Variants in PIK3C2G observed in about 807,000 individuals in gnomAD.
PIK3C2G encodes the protein phosphatidylinositol 3-kinase C2 domain-containing subunit gamma.
Under a neutral mutation model 181.1 loss-of-function variants are expected in PIK3C2G, and 168 were observed. The observed-to-expected ratio is 0.93, with a 90% CI of 0.82 to 1.05. PIK3C2G has a LOEUF of 1.05. PIK3C2G is among the 50% of genes least tolerant of loss of function. The pLI is 0.00. For synonymous variants in PIK3C2G, 573 were observed against 592.2 expected (o/e 0.97, Z 0.47); for missense variants, 1,869 against 1,732.8 (o/e 1.08, Z -1.40).
At chr12:18,282,895 A>G (rs954763171) in intron 2 of PIK3C2G, 136 bp downstream of exon 2, 3 of 570,636 alleles carry the variant, frequency 5.3e-6, no homozygotes, top group Non-Finnish European at 8.7e-6. Context: ...AAAAATTTTC[A>G]CAAATGATGT....
intron 18 of PIK3C2G, among the ~76,000 whole-genome samples, chr12:18,441,352 G>T (rs1192953599): frequency 6.6e-6 from 1 of 152,194 alleles, no homozygotes; most frequent in Non-Finnish European, 1.5e-5. Flanking sequence ...AGAGAGAAAT[G>T]TGGTAATGGT....
chr12:18,488,340 C>T, intron 18 of PIK3C2G, 109 bp from the exon 19 acceptor site: 2 of 609,132 alleles, frequency 3.3e-6, no homozygotes, highest in Non-Finnish European at 5.0e-6. Flanking sequence ...TTAAACTGCC[C>T]AAAGCCACCA....
At chr12:18,470,316 G>A (rs1938337553) in intron 18 of PIK3C2G, among the ~76,000 whole-genome samples, 1 of 152,046 alleles carries the variant, frequency 6.6e-6, no homozygotes, top group Non-Finnish European at 1.5e-5. Flanking sequence ...TTCAAGCCAG[G>A]ATACCAGTTC....
At chr12:18,550,869 T>C (rs1944693163) in intron 26 of PIK3C2G, among the ~76,000 whole-genome samples, 1 of 152,006 alleles carries the variant, frequency 6.6e-6, no homozygotes. Context: ...CTAACTACAA[T>C]ATTAGCACTA....
At chr12:18,480,741 T>A (rs1259086153) in intron 18 of PIK3C2G, among the ~76,000 whole-genome samples, 1 of 152,086 alleles carries the variant, frequency 6.6e-6, no homozygotes, top group Admixed American at 6.6e-5. Context: ...AATTCACCCC[T>A]GAATTTGCGT....
At chr12:18,626,996 T>C (rs891603295) in intron 31 of PIK3C2G, among the ~76,000 whole-genome samples, 2 of 152,024 alleles carry the variant, frequency 1.3e-5, no homozygotes, top group Non-Finnish European at 2.9e-5. Flanking sequence ...TCTCTGTATT[T>C]AATTCCTTTT....
At chr12:18,307,076 G>T (rs951420599) in intron 5 of PIK3C2G, among the ~76,000 whole-genome samples, 1 of 148,478 alleles carries the variant, frequency 6.7e-6, no homozygotes, top group Non-Finnish European at 1.5e-5. Flanking sequence ...TGTTATCTAG[G>T]ATGCTTACTT....
chr12:18,388,609 A>T (rs774827062), intron 14 of PIK3C2G, among the ~76,000 whole-genome samples: 3 of 152,300 alleles, frequency 2.0e-5, no homozygotes, highest in Middle Eastern at 3.4e-3. Context: ...CGCACAGTCC[A>T]AGTGGAAGTT....
At chr12:18,566,105 A>G (rs1411422649) in intron 28 of PIK3C2G, among the ~76,000 whole-genome samples, 1 of 152,246 alleles carries the variant, frequency 6.6e-6, no homozygotes, top group Non-Finnish European at 1.5e-5. Flanking sequence ...AAAATATACA[A>G]GCATAGAGTT....
chr12:18,627,025 T>C (rs1488934685), intron 31 of PIK3C2G, among the ~76,000 whole-genome samples: 1 of 151,972 alleles, frequency 6.6e-6, no homozygotes, highest in Non-Finnish European at 1.5e-5. Context: ...CTTGGGTCTC[T>C]TGATGGTGTA....
the PIK3C2G span, chr12:18,693,893 A>G: frequency 1.3e-6 from 2 of 1,531,326 alleles, no homozygotes; most frequent in Admixed American, 1.7e-5. Flanking sequence ...AAGCAGGATG[A>G]CGCTGGCTGA....
At chr12:18,419,117 T>A (rs751558871) in intron 16 of PIK3C2G, among the ~76,000 whole-genome samples, 2 of 152,172 alleles carry the variant, frequency 1.3e-5, no homozygotes, top group Non-Finnish European at 2.9e-5. Flanking sequence ...TGCCTACAAA[T>A]CTGAAGGCAT....
At chr12:18,513,662 C>T (rs1942352044) in intron 24 of PIK3C2G, among the ~76,000 whole-genome samples, 1 of 151,508 alleles carries the variant, frequency 6.6e-6, no homozygotes, top group African/African-American at 2.4e-5. Context: ...ACTTTTGATT[C>T]GTTTATTTGA....
chr12:18,353,045 G>A (rs1456547585), intron 11 of PIK3C2G, among the ~76,000 whole-genome samples: 3 of 152,280 alleles, frequency 2.0e-5, no homozygotes, highest in South Asian at 2.1e-4. Context: ...ACTTTGGGCC[G>A]CAGGTCCAAG....
intron 11 of PIK3C2G, among the ~76,000 whole-genome samples, chr12:18,349,202 C>T (rs552147027): frequency 1.8e-4 from 27 of 152,164 alleles, no homozygotes; most frequent in African/African-American, 5.5e-4. Flanking sequence ...AAGCATGATA[C>T]AAGGGTTCGC....
Position 18,293,922 on chromosome 12 carries a change from TA to T in PIK3C2G, c.943del (p.Ile315LeufsTer20), listed in dbSNP as rs536013403. 64 of 1,547,294 alleles carry T rather than the reference TA, an allele frequency of 4.1e-5. No homozygotes were observed. The East Asian group carries it at 1.4e-3, about 33-fold the overall frequency. ...TTAGCTAATTATCTTGTCAAAGATC[TA>T]ATTGCAGAAATTCTGCATTTTTGCA... ...MPCANYLVKD[L>X]IAEILHFCTN... On this transcript the variant is annotated frameshift_variant, in exon 5 of 33. Transcript: ENST00000538779. LOFTEE classifies it high-confidence loss of function.
chr12:18,705,439 T>C, the PIK3C2G span: 13 of 1,133,292 alleles, frequency 1.1e-5, no homozygotes, highest in Non-Finnish European at 5.1e-6. Context: ...GCAAAATAAC[T>C]ATTCTTTAAA....
the PIK3C2G span, chr12:18,705,465 A>T: frequency 1.7e-5 from 16 of 923,628 alleles, no homozygotes; most frequent in African/African-American, 1.7e-4. Flanking sequence ...AGTACTTTTG[A>T]GTTTGGCAAA....
intron 29 of PIK3C2G, among the ~76,000 whole-genome samples, chr12:18,567,285 G>A (rs545987563): frequency 6.6e-6 from 1 of 152,096 alleles, no homozygotes; most frequent in Admixed American, 6.5e-5. Flanking sequence ...TGTAGTCCCA[G>A]CTATTCAGGA....
Sources: allele counts gnomAD v4.1 joint callset (sites outside exome capture counted in the v4.1 genomes callset), GRCh38; gene constraint gnomAD v4.1.1; transcripts MANE v1.5; gene names NCBI Gene and HGNC (gene_info 2026-07-23, HGNC 2026-07-21).